PTPRT: variants seen among roughly 807,000 people sequenced by gnomAD.
PTPRT encodes protein tyrosine phosphatase receptor type T.
Under a neutral mutation model 176.8 loss-of-function variants are expected in PTPRT, and 56 were observed. The observed-to-expected ratio is 0.32, with a 90% CI of 0.26 to 0.40. The LOEUF is 0.40. Among genes scored for constraint, PTPRT ranks in the 10% least tolerant of loss-of-function variants. PTPRT has a pLI of 1.00. For synonymous variants in PTPRT, 783 were observed against 739.0 expected, an observed-to-expected ratio of 1.06 and a Z score of -0.96; for missense variants, 1,540 against 1,908.2, an observed-to-expected ratio of 0.81 and a Z score of 3.60.
intron 2 of PTPRT, among the ~76,000 whole-genome samples, chr20:42,884,350 G>A (rs953349359): frequency 4.6e-5 from 7 of 152,112 alleles, no homozygotes; most frequent in Admixed American, 4.6e-4. Context: ...CTTAATAGGA[G>A]CTATCCATAA....
At chr20:43,007,251 A>G (rs1600642795) in intron 1 of PTPRT, among the ~76,000 whole-genome samples, 1 of 152,168 alleles carries the variant, frequency 6.6e-6, no homozygotes, top group South Asian at 2.1e-4. Context: ...TTCCAAGGAA[A>G]CAGCTGAACC....
intron 1 of PTPRT, among the ~76,000 whole-genome samples, chr20:43,125,459 G>C (rs1207923149): frequency 2.0e-5 from 3 of 152,160 alleles, no homozygotes; most frequent in Non-Finnish European, 4.4e-5. Flanking sequence ...CCCCATGTAA[G>C]AGACTCTCAA....
intron 25 of PTPRT, among the ~76,000 whole-genome samples, chr20:42,102,970 T>A (rs531418509): frequency 6.6e-6 from 1 of 152,356 alleles, no homozygotes; most frequent in East Asian, 1.9e-4. Context: ...GCTCTCTGTC[T>A]CTACTTCAGA....
intron 27 of PTPRT, among the ~76,000 whole-genome samples, chr20:42,092,272 C>T (rs892810462): frequency 1.1e-4 from 17 of 152,164 alleles, no homozygotes; most frequent in East Asian, 3.8e-4. Flanking sequence ...CATATCTCTC[C>T]GACTAAAGCC....
At chr20:43,033,131 C>T (rs1986217061) in intron 1 of PTPRT, among the ~76,000 whole-genome samples, 1 of 152,166 alleles carries the variant, frequency 6.6e-6, no homozygotes, top group Non-Finnish European at 1.5e-5. Context: ...TACGTTGTAT[C>T]CAAATTTGCC....
At position 42,885,939 on chromosome 20, in the gene PTPRT, A is replaced by G; in HGVS notation, c.89-7T>C. 1 of 1,601,008 alleles carries G rather than the reference A, an allele frequency of 6.2e-7. No individual in the cohort carries two copies. On this transcript the variant is annotated splice_region_variant and splice_polypyrimidine_tract_variant and intron_variant, in intron 1 of 30. Coordinates refer to ENST00000373187, the MANE Select transcript of PTPRT (RefSeq NM_007050.6). ...TCATCAAAGGAACAGCCACCTGTAG[A>G]CAAAAGAGATATGGGTAAATACATT...
chr20:42,599,218 G>A (rs566208514), intron 7 of PTPRT, among the ~76,000 whole-genome samples: 2 of 152,152 alleles, frequency 1.3e-5, no homozygotes, highest in African/African-American at 4.8e-5. Flanking sequence ...ACAACTGGGT[G>A]GTGACATTTG....
intron 6 of PTPRT, among the ~76,000 whole-genome samples, chr20:42,712,175 T>C (rs537995813): frequency 3.4e-5 from 5 of 148,916 alleles, no homozygotes; most frequent in East Asian, 4.0e-4. Context: ...CTGAATGACA[T>C]TGTTCTTCTC....
chr20:42,671,686 C>T (rs1436821708), intron 7 of PTPRT, among the ~76,000 whole-genome samples: 1 of 152,190 alleles, frequency 6.6e-6, no homozygotes, highest in Non-Finnish European at 1.5e-5. Flanking sequence ...CTTTGGTTCA[C>T]TATAGGCAGC....
intron 5 of PTPRT, among the ~76,000 whole-genome samples, chr20:42,762,094 T>C (rs2076923340): frequency 6.6e-6 from 1 of 152,230 alleles, no homozygotes; most frequent in African/African-American, 2.4e-5. Flanking sequence ...TCTGGAAATC[T>C]TGGAAGACCT....
At position 42,210,891 on chromosome 20, in the gene PTPRT, A is replaced by C. The variant is rs551989383; in HGVS notation, c.2343-11503T>G. On this transcript the variant is annotated intron_variant, in intron 15 of 30. Coordinates refer to ENST00000373187, the MANE Select transcript of PTPRT (RefSeq NM_007050.6). ...GGAGGCATCACACTACCTGACTTCA[A>C]ACTATACTACAAGGCTACAGTAACC... Among the ~76,000 whole-genome samples, 33 of 152,152 alleles carry C rather than the reference A, an allele frequency of 2.2e-4. No homozygotes were observed. In the South Asian group the frequency reaches 6.4e-3, roughly 30 times the overall value.
chr20:42,457,316 T>C (rs1338517762), intron 8 of PTPRT, among the ~76,000 whole-genome samples: 2 of 152,206 alleles, frequency 1.3e-5, no homozygotes, highest in East Asian at 1.9e-4. Flanking sequence ...CTTTACAATC[T>C]TAACTTCCAT....
chr20:42,489,311 T>G (rs771642173), intron 7 of PTPRT, among the ~76,000 whole-genome samples: 57 of 152,084 alleles, frequency 3.7e-4, no homozygotes, highest in Non-Finnish European at 6.3e-4. Context: ...AGACTTTCCT[T>G]GCCCAGTGAT....
downstream of PTPRT, among the ~76,000 whole-genome samples, chr20:42,070,338 C>T (rs373886467): frequency 3.3e-5 from 5 of 151,410 alleles, no homozygotes; most frequent in East Asian, 5.8e-4. Context: ...GTCTGACATG[C>T]GCTCACACTC....
At chr20:42,365,288 T>C (rs1005412097) in intron 9 of PTPRT, among the ~76,000 whole-genome samples, 1 of 152,212 alleles carries the variant, frequency 6.6e-6, no homozygotes. Context: ...CCAGGGTTTC[T>C]CAATCATTTT....
intron 9 of PTPRT, among the ~76,000 whole-genome samples, chr20:42,368,708 G>T (rs933111800): frequency 6.6e-6 from 1 of 152,188 alleles, no homozygotes; most frequent in South Asian, 2.1e-4. Flanking sequence ...CATTGATTTG[G>T]ATGAAGCCTC....
chr20:42,393,297 A>G (rs1355328700), intron 9 of PTPRT, among the ~76,000 whole-genome samples: 1 of 152,216 alleles, frequency 6.6e-6, no homozygotes, highest in African/African-American at 2.4e-5. Context: ...CAGTAAATCC[A>G]TCTTCATTGT....
rs140310642 is a variant in PTPRT at position 43,181,517 on chromosome 20, T to A, written c.88+8129A>T. 8.5e-4 allele frequency among the ~76,000 whole-genome samples: 130 copies of A among 152,304 alleles called. 3 individuals are homozygous for A. The highest frequency in any genetic ancestry group is 3.0e-3 in the African/African-American group (125 of 41,566). ...GAAAAAAAGACACGGTGACCTCAGC[T>A]TCTCAGTAATACTCACTGAAACACA... On this transcript the variant is annotated intron_variant, in intron 1 of 30. Transcript: ENST00000373187.
At chr20:42,700,628 G>A (rs958417913) in intron 6 of PTPRT, among the ~76,000 whole-genome samples, 16 of 152,080 alleles carry the variant, frequency 1.1e-4, no homozygotes, top group African/African-American at 3.6e-4. Flanking sequence ...TCGTTAACAG[G>A]AGCAGCCAAG....
Sources: allele counts gnomAD v4.1 joint callset (sites outside exome capture counted in the v4.1 genomes callset), GRCh38; gene constraint gnomAD v4.1.1; transcripts MANE v1.5; gene names NCBI Gene and HGNC (gene_info 2026-07-23, HGNC 2026-07-21).